PCDH17: variants seen among roughly 807,000 people sequenced by gnomAD.
PCDH17 encodes protocadherin-17.
In PCDH17, 21 loss-of-function variants were observed where a neutral mutation model predicts 67.7. The ratio of observed to expected loss-of-function variants is 0.31; its 90% confidence interval spans 0.22 to 0.45. The LOEUF is 0.45. Among genes scored for constraint, PCDH17 ranks in the 20% least tolerant of loss-of-function variants. PCDH17 has a pLI of 1.00. For missense variants in PCDH17, 1,471 were observed against 1,564.8 expected, an observed-to-expected ratio of 0.94 and a Z score of 1.01; for synonymous variants, 701 against 656.7, an observed-to-expected ratio of 1.07 and a Z score of -1.03.
At chr13:57,658,440 T>C (rs1156437956) in intron 1 of PCDH17, among the ~76,000 whole-genome samples, 1 of 152,190 alleles carries the variant, frequency 6.6e-6, no homozygotes, top group Non-Finnish European at 1.5e-5. Context: ...TTTTTAATAT[T>C]TCTGATCGAT....
At chr13:57,700,871 G>C (rs1274288672) in intron 3 of PCDH17, among the ~76,000 whole-genome samples, 1 of 152,036 alleles carries the variant, frequency 6.6e-6, no homozygotes, top group Non-Finnish European at 1.5e-5. Flanking sequence ...AGGTAAATAA[G>C]ATGTGTTTTA....
intron 3 of PCDH17, among the ~76,000 whole-genome samples, chr13:57,712,496 AT>A (rs938904116): frequency 9.2e-5 from 14 of 151,724 alleles, no homozygotes; most frequent in African/African-American, 3.4e-4. Flanking sequence ...CTGAATTTAA[AT>A]TTATTTTTTT....
At chr13:57,668,032 T>G (rs1955277069) in intron 3 of PCDH17, among the ~76,000 whole-genome samples, 1 of 151,594 alleles carries the variant, frequency 6.6e-6, no homozygotes, top group Non-Finnish European at 1.5e-5. Context: ...GACCGATGAC[T>G]TTTTTCACGA....
chr13:57,725,082 T>C lies in PCDH17; in HGVS notation c.3268T>C (p.Phe1090Leu), dbSNP rs1245799332. The C allele has an allele frequency of 6.2e-7, 1 of 1,614,052 alleles. No individual in the cohort carries two copies. The highest frequency in any genetic ancestry group is 1.7e-5 in the Admixed American group (1 of 60,010). ...TAGTAAGCAACCAAGAGACCCTCCCTTCATGGCTTCCGATCAGATGGCAAG... is the reference window on the plus strand; with the variant it reads ...TAGTAAGCAACCAAGAGACCCTCCCCTCATGGCTTCCGATCAGATGGCAAG... ...SPSKQPRDPP[F>L]MASDQMARVF... The change falls in exon 4 of 4, where the codon TTC becomes CTC. Residue 1090 changes from phenylalanine (F) to leucine (L), a missense_variant. Coordinates refer to ENST00000377918, the MANE Select transcript of PCDH17 (RefSeq NM_001040429.3).
chr13:57,709,676 G>A (rs1352677172), intron 3 of PCDH17: 7 of 151,914 alleles, frequency 4.6e-5, no homozygotes, highest in Non-Finnish European at 8.9e-5. Flanking sequence ...AAGCATTCCC[G>A]ACTTTGCTTT....
Position 57,633,870 on chromosome 13 carries a change from A to G in PCDH17, c.1324A>G (p.Ile442Val), listed in dbSNP as rs779055194. Residue 442 changes from isoleucine (I) to valine (V), a missense_variant, in exon 1 of 4, where the codon ATC becomes GTC. This residue lies in a region of PCDH17 where 1,163 missense variants were observed against 1,230.0 expected (regional missense o/e 0.95). Transcript: ENST00000377918. The surrounding 1 kb of genome is among the most constrained non-coding windows in gnomAD (Gnocchi z 6.2). ...RETQDEYNVT[I>V]VARDGGSPPL... ...GACACAAGACGAGTACAACGTGACC[A>G]TCGTGGCGCGGGACGGGGGCTCTCC... is the stretch of plus-strand genomic sequence containing the variant. 3.2e-5 allele frequency: 52 copies of G among 1,613,006 alleles called. No individual in the cohort carries two copies. In the Admixed American group the frequency reaches 8.5e-4, roughly 26 times the overall value.
At chr13:57,660,967 G>A (rs938762717) in intron 1 of PCDH17, among the ~76,000 whole-genome samples, 2 of 152,072 alleles carry the variant, frequency 1.3e-5, no homozygotes, top group African/African-American at 4.8e-5. Context: ...CCAGTTTGGG[G>A]CAAACATACA....
At position 57,725,001 on chromosome 13, in the gene PCDH17, G is replaced by T; in HGVS notation, c.3187G>T (p.Ala1063Ser). 1 of 1,614,176 alleles carries T rather than the reference G, an allele frequency of 6.2e-7. No individual in the cohort carries two copies. The highest frequency in any genetic ancestry group is 8.5e-7 in the Non-Finnish European group (1 of 1,180,026). Residue 1063 changes from alanine to serine, a missense_variant, in exon 4 of 4, where the codon GCC becomes TCC. By Grantham distance (99) the Ala-to-Ser change is moderately conservative. Transcript: ENST00000377918. ...GGATGGCTGTGAAGCAAAACCAGGA[G>T]CCCTGGCTGAAGCAAGCAGTCAGTA... The part of the protein sequence containing the change: ...SLDGCEAKPG[A>S]LAEASSQYLP...
intron 1 of PCDH17, among the ~76,000 whole-genome samples, chr13:57,641,573 AAAAAAAAAAAAAAAATATATATATATAT>A (rs1267865996): frequency 1.3e-4 from 8 of 59,980 alleles, no homozygotes; most frequent in Non-Finnish European, 2.7e-4. Flanking sequence ...AAAAAAAAAA[AAAAAAAAAAAAAAAATATATATATATAT>A]ATATATATAT....
intron 3 of PCDH17, among the ~76,000 whole-genome samples, chr13:57,676,237 AC>A (rs1566231797): frequency 2.0e-5 from 3 of 152,018 alleles, no homozygotes; most frequent in Admixed American, 1.3e-4. Flanking sequence ...AAACAAAAAA[AC>A]AACTTCAGTT....
At chr13:57,694,526 G>T (rs144365163) in intron 3 of PCDH17, among the ~76,000 whole-genome samples, 1 of 151,040 alleles carries the variant, frequency 6.6e-6, no homozygotes, top group African/African-American at 2.4e-5. Context: ...TACTTCAGAA[G>T]ATAAAAGGAA....
chr13:57,673,018 G>A (rs900877449), intron 3 of PCDH17, among the ~76,000 whole-genome samples: 2 of 151,976 alleles, frequency 1.3e-5, no homozygotes, highest in African/African-American at 4.8e-5. Flanking sequence ...CTATGTGTAA[G>A]TGTGCATTTG....
chr13:57,725,582 TGAG>T lies in PCDH17; in HGVS notation c.*292_*294del. On this transcript the variant is annotated 3_prime_UTR_variant, in exon 4 of 4. Coordinates refer to ENST00000377918, the MANE Select transcript of PCDH17 (RefSeq NM_001040429.3). The stretch of plus-strand genomic sequence containing the variant: ...AAAAAGGAGAGATGAAAAAGGAGGA[TGAG>T]GAGAAGAATTACCTTTTGACAATCT... 3.0e-6 allele frequency: 1 copy of T among 330,522 alleles called. No individual in the cohort carries two copies. The highest frequency in any genetic ancestry group is 5.5e-6 in the Non-Finnish European group (1 of 180,664). The allele number at this position is 330,522 out of a possible 1,614,324, so 20.5% of individuals were successfully genotyped here. A position where few individuals can be genotyped will look rare whatever the true frequency, so the allele number is the denominator to read the frequency against.
At chr13:57,709,928 TAG>T (rs1041785593) in intron 3 of PCDH17, among the ~76,000 whole-genome samples, 1 of 151,950 alleles carries the variant, frequency 6.6e-6, no homozygotes, top group Non-Finnish European at 1.5e-5. Context: ...TTAATGCTCT[TAG>T]TATTTCCGGA....
intron 1 of PCDH17, among the ~76,000 whole-genome samples, chr13:57,638,100 T>A (rs534273433): frequency 6.6e-6 from 1 of 152,192 alleles, no homozygotes; most frequent in Admixed American, 6.5e-5. Flanking sequence ...TATAATTAAA[T>A]ATTTAAGTCT....
intron 3 of PCDH17, among the ~76,000 whole-genome samples, chr13:57,705,093 G>A (rs1349448262): frequency 6.6e-6 from 1 of 151,688 alleles, no homozygotes; most frequent in African/African-American, 2.4e-5. Flanking sequence ...GAATGCCTTA[G>A]AGAGAAAATA....
At chr13:57,722,840 C>T (rs547675581) in intron 3 of PCDH17, among the ~76,000 whole-genome samples, 1 of 152,102 alleles carries the variant, frequency 6.6e-6, no homozygotes, top group Non-Finnish European at 1.5e-5. Flanking sequence ...AACTCCTGGG[C>T]TCAAGCAATC....
chr13:57,706,015 TAAA>T (rs747132510), intron 3 of PCDH17, among the ~76,000 whole-genome samples: 1 of 128,904 alleles, frequency 7.8e-6, no homozygotes. Context: ...AACTCAGTCT[TAAA>T]AAAAAAAAAA....
intron 1 of PCDH17, among the ~76,000 whole-genome samples, chr13:57,660,973 A>G (rs1366044626): frequency 1.3e-5 from 2 of 152,182 alleles, no homozygotes; most frequent in African/African-American, 4.8e-5. Flanking sequence ...TGGGGCAAAC[A>G]TACAGAATTT....
Sources: allele counts gnomAD v4.1 joint callset (sites outside exome capture counted in the v4.1 genomes callset), GRCh38; gene constraint gnomAD v4.1.1; regional missense constraint gnomAD v4.1.1; non-coding constraint Gnocchi (gnomAD v3.1); transcripts MANE v1.5; gene names NCBI Gene and HGNC (gene_info 2026-07-23, HGNC 2026-07-21).